IQSEC1: variants seen among roughly 807,000 people sequenced by gnomAD.
The protein encoded by IQSEC1 is IQ motif and SEC7 domain-containing protein 1.
In IQSEC1, 31 loss-of-function variants were observed where a neutral mutation model predicts 91.0. The ratio of observed to expected loss-of-function variants is 0.34; its 90% CI spans 0.26 to 0.46. The LOEUF (loss-of-function observed/expected upper bound fraction) is 0.46. IQSEC1 is among the 20% of genes least tolerant of loss of function. The probability of loss-of-function intolerance (pLI) is 1.00; values close to 1 mark genes in which losing one functional copy is unlikely to be tolerated. For synonymous variants in IQSEC1, 699 were observed against 662.6 expected (o/e 1.05, Z -0.84); for missense variants, 1,388 against 1,575.6 (o/e 0.88, Z 2.02).
intron 12 of IQSEC1, among the ~76,000 whole-genome samples, chr3:12,903,424 G>T (rs1383029253): frequency 6.6e-6 from 1 of 152,220 alleles, no homozygotes; most frequent in African/African-American, 2.4e-5. Context: ...CTGGCCAGGG[G>T]CAGGAGACAG....
chr3:12,910,039 C>T (rs1241000900), intron 10 of IQSEC1, among the ~76,000 whole-genome samples: 1 of 152,182 alleles, frequency 6.6e-6, no homozygotes, highest in Non-Finnish European at 1.5e-5. Context: ...GCAGAGTGCT[C>T]CTGTGTGCAT....
chr3:13,072,084 T>A (rs1705452049), intron 1 of IQSEC1, among the ~76,000 whole-genome samples: 1 of 152,242 alleles, frequency 6.6e-6, no homozygotes, highest in African/African-American at 2.4e-5. Context: ...AGGCCTCCTT[T>A]TCCTAGCCTT....
chr3:13,097,006 GC>G, intron 2 of IQSEC1, among the ~76,000 whole-genome samples: 1 of 152,050 alleles, frequency 6.6e-6, no homozygotes, highest in African/African-American at 2.4e-5. Context: ...GACTACAGGC[GC>G]CCGCCACCAC....
At chr3:13,096,867 T>TTTC (rs1705973695) in intron 2 of IQSEC1, among the ~76,000 whole-genome samples, 1 of 150,294 alleles carries the variant, frequency 6.7e-6, no homozygotes. Flanking sequence ...TTTCTTTCTT[T>TTTC]TTTTTTTTTT....
chr3:13,005,156 G>T (rs1021974816), intron 1 of IQSEC1, among the ~76,000 whole-genome samples: 2 of 152,176 alleles, frequency 1.3e-5, no homozygotes, highest in African/African-American at 4.8e-5. Context: ...CCTTGTGTGT[G>T]GGGTTAATAT....
At chr3:13,171,057 G>A (rs991105484) in intron 1 of IQSEC1, among the ~76,000 whole-genome samples, 4 of 151,520 alleles carry the variant, frequency 2.6e-5, no homozygotes, top group African/African-American at 9.8e-5. Flanking sequence ...TGGAGACTGC[G>A]CCAATGCACT....
Position 12,915,866 on chromosome 3 carries a change from G to A in IQSEC1, c.2021-133C>T. 4 of 1,006,544 alleles carry A rather than the reference G, an allele frequency of 4.0e-6. No individual in the cohort carries two copies. In the South Asian group the frequency reaches 6.1e-5, roughly 15 times the overall value. The allele number at this position is 1,006,544 out of a possible 1,614,324, so 62.4% of individuals were successfully genotyped here. A position where few individuals can be genotyped will look rare whatever the true frequency, so the allele number is the denominator to read the frequency against. ...CAAAGAACTCCCAGGCAGGCCCACAGCAACAGGACATTTTCAGTCAACACA... is the reference window on the plus strand; with the variant it reads ...CAAAGAACTCCCAGGCAGGCCCACAACAACAGGACATTTTCAGTCAACACA... On this transcript the variant is annotated intron_variant, in intron 6 of 13. Transcript: ENST00000613206.
At chr3:12,921,664 A>G (rs1285248433) in intron 5 of IQSEC1, among the ~76,000 whole-genome samples, 3 of 152,030 alleles carry the variant, frequency 2.0e-5, no homozygotes, top group African/African-American at 7.2e-5. Context: ...CAGAGCCGGT[A>G]AGTGGTAGAG....
At chr3:12,903,484 G>A (rs1279319849) in intron 12 of IQSEC1, among the ~76,000 whole-genome samples, 2 of 152,184 alleles carry the variant, frequency 1.3e-5, no homozygotes, top group South Asian at 2.1e-4. Flanking sequence ...CCTCTGCTTG[G>A]TACCACCCCC....
At chr3:13,276,902 G>T (rs897148759) in intron 1 of IQSEC1, among the ~76,000 whole-genome samples, 1 of 152,034 alleles carries the variant, frequency 6.6e-6, no homozygotes, top group Admixed American at 6.5e-5. Flanking sequence ...ACTGGAGGCC[G>T]CTGAACTCGG....
chr3:13,116,260 G>A (rs1345136055), intron 2 of IQSEC1, among the ~76,000 whole-genome samples: 1 of 152,200 alleles, frequency 6.6e-6, no homozygotes, highest in Non-Finnish European at 1.5e-5. Context: ...GCAGGTAGGA[G>A]CTATATGTGG....
At chr3:13,189,635 T>C (rs1406411919) in intron 1 of IQSEC1, among the ~76,000 whole-genome samples, 1 of 152,196 alleles carries the variant, frequency 6.6e-6, no homozygotes, top group East Asian at 1.9e-4. Flanking sequence ...ATTCCCTTCT[T>C]ACTGGCATGT....
chr3:13,279,014 A>G (rs955355277), intron 1 of IQSEC1, among the ~76,000 whole-genome samples: 1 of 152,132 alleles, frequency 6.6e-6, no homozygotes, highest in Non-Finnish European at 1.5e-5. Flanking sequence ...AGACAAGGAG[A>G]TGACCTGACC....
At chr3:13,038,260 G>GTATATATA (rs1452632242) in intron 1 of IQSEC1, among the ~76,000 whole-genome samples, 1,633 of 61,642 alleles carry the variant, frequency 0.026, 15 homozygotes, top group South Asian at 0.049. Flanking sequence ...GTGTGTGTGT[G>GTATATATA]TGTATATATA....
chr3:13,053,552 G>A (rs1704769928), intron 1 of IQSEC1, among the ~76,000 whole-genome samples: 1 of 152,216 alleles, frequency 6.6e-6, no homozygotes, highest in South Asian at 2.1e-4. Flanking sequence ...GGAATGCAGG[G>A]ACCACGGGGA....
At chr3:13,253,265 C>T (rs1695229693) in intron 1 of IQSEC1, among the ~76,000 whole-genome samples, 1 of 152,158 alleles carries the variant, frequency 6.6e-6, no homozygotes, top group African/African-American at 2.4e-5. Flanking sequence ...TGGTAACTTG[C>T]CATAGGGTAC....
chr3:13,039,531 G>C (rs1380178515), intron 1 of IQSEC1, among the ~76,000 whole-genome samples: 6 of 152,200 alleles, frequency 3.9e-5, no homozygotes, highest in Admixed American at 1.3e-4. Context: ...CTTTCCTGGG[G>C]AAGGATCCGT....
rs147815867 is a variant in IQSEC1 at position 13,023,760 on chromosome 3, G to A, written c.23+49232C>T. Reference sequence around the variant, plus strand: ...AACTTTTAATCCAAAAACAAGATAGGTTTCTACAAAGGCTGTGGCCTCCCT... The same window carrying A: ...AACTTTTAATCCAAAAACAAGATAGATTTCTACAAAGGCTGTGGCCTCCCT... On this transcript the variant is annotated intron_variant, in intron 1 of 13. Transcript: ENST00000613206. 8.9e-4 allele frequency among the ~76,000 whole-genome samples: 135 copies of A among 152,332 alleles called. 1 individual carries two copies. Among genetic ancestry groups the A allele is most frequent in the African/African-American group, 2.9e-3 (122 of 41,572 alleles).
At position 13,053,568 on chromosome 3, in the gene IQSEC1, G is replaced by A. The variant is rs532618060; in HGVS notation, c.23+19424C>T. Among the ~76,000 whole-genome samples the A allele has an allele frequency of 2.6e-5, 4 of 152,308 alleles. No individual in the cohort carries two copies. In the South Asian group the frequency reaches 8.3e-4, roughly 32 times the overall value. ...GAATGCAGGGACCACGGGGAGAAGG[G>A]AGACTCTGGGAGTCGGCTCACAGCC... is the stretch of plus-strand genomic sequence containing the variant. On this transcript the variant is annotated intron_variant, in intron 1 of 13. Transcript: ENST00000613206.
Sources: allele counts gnomAD v4.1 joint callset (sites outside exome capture counted in the v4.1 genomes callset), GRCh38; gene constraint gnomAD v4.1.1; transcripts MANE v1.5; gene names NCBI Gene and HGNC (gene_info 2026-07-23, HGNC 2026-07-21).